The following CCSER1 variants were observed in gnomAD, a reference collection of about 807,000 sequenced individuals.
CCSER1 encodes serine-rich coiled-coil domain-containing protein 1.
A neutral mutation model predicts 82.0 loss-of-function variants in CCSER1; 41 were observed. The observed-to-expected ratio is 0.50, with a 90% CI of 0.39 to 0.65. The LOEUF (loss-of-function observed/expected upper bound fraction) is 0.65, where lower values mean the gene tolerates loss of function less well. CCSER1 is among the 30% of genes least tolerant of loss of function. The pLI, the probability that CCSER1 is intolerant of heterozygous loss-of-function variation, is 0.00. For synonymous variants in CCSER1, 414 were observed against 383.9 expected (o/e 1.08, Z -0.92); for missense variants, 1,119 against 1,064.2 (o/e 1.05, Z -0.72).
chr4:90,659,269 T>C (rs1730311684), intron 6 of CCSER1, among the ~76,000 whole-genome samples: 1 of 152,174 alleles, frequency 6.6e-6, no homozygotes, highest in Admixed American at 6.5e-5. Flanking sequence ...AATTAACAAG[T>C]TGCTTTCATG....
At chr4:90,252,607 C>T (rs1256237264) in intron 1 of CCSER1, among the ~76,000 whole-genome samples, 1 of 151,676 alleles carries the variant, frequency 6.6e-6, no homozygotes, top group African/African-American at 2.4e-5. Flanking sequence ...TCCTCTCAAG[C>T]ATTTATCCTT....
chr4:91,188,867 ATAGT>A (rs1336751730), intron 10 of CCSER1, among the ~76,000 whole-genome samples: 2 of 152,248 alleles, frequency 1.3e-5, no homozygotes, highest in Non-Finnish European at 1.5e-5. Flanking sequence ...TAAGATTGTG[ATAGT>A]TAGTGCTAGC....
At chr4:90,345,687 C>A (rs1253017782) in intron 3 of CCSER1, among the ~76,000 whole-genome samples, 1 of 152,036 alleles carries the variant, frequency 6.6e-6, no homozygotes, top group Non-Finnish European at 1.5e-5. Flanking sequence ...CTGAGCACAA[C>A]CATGAACAAC....
intron 6 of CCSER1, among the ~76,000 whole-genome samples, chr4:90,664,748 A>G (rs1292398926): frequency 2.0e-5 from 3 of 152,052 alleles, no homozygotes; most frequent in Non-Finnish European, 4.4e-5. Context: ...TAAAAACACA[A>G]AATTAGCCTG....
chr4:91,328,946 C>T (rs1019329143), intron 10 of CCSER1, among the ~76,000 whole-genome samples: 1 of 152,060 alleles, frequency 6.6e-6, no homozygotes, highest in Admixed American at 6.6e-5. Context: ...AGTTCCCCTG[C>T]AAAAGCTCTC....
At chr4:90,854,123 A>T (rs1764188914) in intron 8 of CCSER1, among the ~76,000 whole-genome samples, 1 of 152,204 alleles carries the variant, frequency 6.6e-6, no homozygotes, top group Admixed American at 6.5e-5. Context: ...AGCTAGAGAT[A>T]CAAAAATGAA....
chr4:90,900,094 GTT>G lies in CCSER1; in HGVS notation c.2095-23260_2095-23259del, dbSNP rs70963096. ...TGCTGTGAAACCCTCTGGTCCCAGA[GTT>G]TTTTTTTTTTTTTTTGTAGATATTT... On this transcript the variant is annotated intron_variant, in intron 8 of 10. Transcript: ENST00000509176. Among the ~76,000 whole-genome samples, 194 of 102,152 alleles carry G rather than the reference GTT, an allele frequency of 1.9e-3. 4 individuals are homozygous for G. Among genetic ancestry groups the G allele is most frequent in the African/African-American group, 6.2e-3 (185 of 29,814 alleles). 67.0% of individuals were successfully genotyped at this position (102,152 alleles called of 152,430 possible).
intron 3 of CCSER1, among the ~76,000 whole-genome samples, chr4:90,334,851 T>G (rs960937319): frequency 6.6e-6 from 1 of 152,174 alleles, no homozygotes; most frequent in Non-Finnish European, 1.5e-5. Context: ...TACCACAATT[T>G]ATTAGTGACT....
chr4:91,367,157 A>G (rs1294765898), intron 10 of CCSER1, among the ~76,000 whole-genome samples: 2 of 149,704 alleles, frequency 1.3e-5, no homozygotes, highest in African/African-American at 4.9e-5. Context: ...AAAAGAGAAA[A>G]AAATGCAAAG....
intron 10 of CCSER1, among the ~76,000 whole-genome samples, chr4:91,416,574 G>A (rs1000314199): frequency 7.2e-5 from 11 of 152,024 alleles, no homozygotes; most frequent in Non-Finnish European, 1.5e-4. Flanking sequence ...TCTTATCTTC[G>A]ACAAACCTGA....
intron 10 of CCSER1, among the ~76,000 whole-genome samples, chr4:91,264,891 A>G (rs549975946): frequency 6.6e-6 from 1 of 152,170 alleles, no homozygotes; most frequent in African/African-American, 2.4e-5. Flanking sequence ...AAATATTATG[A>G]AGATATTAAA....
chr4:91,033,814 T>C (rs1741196610), intron 9 of CCSER1, among the ~76,000 whole-genome samples: 1 of 152,168 alleles, frequency 6.6e-6, no homozygotes, highest in Non-Finnish European at 1.5e-5. Flanking sequence ...GGAGAAGTAC[T>C]TGTAACTCAA....
chr4:90,313,228 G>A (rs1735618173), intron 3 of CCSER1, 181 bp downstream of exon 3: 2 of 587,260 alleles, frequency 3.4e-6, no homozygotes, highest in Non-Finnish European at 6.0e-6. Flanking sequence ...TCAGGATGGA[G>A]TTCACCATGA....
intron 10 of CCSER1, chr4:91,325,296 T>C (rs1746480066): frequency 2.6e-6 from 1 of 384,508 alleles, no homozygotes; most frequent in African/African-American, 2.1e-5. Flanking sequence ...AAGGCTTTTT[T>C]CCCAAAGAAG....
chr4:90,415,051 TG>T (rs1336487469), intron 4 of CCSER1, among the ~76,000 whole-genome samples: 2 of 152,200 alleles, frequency 1.3e-5, no homozygotes, highest in Non-Finnish European at 2.9e-5. Context: ...AGTTTACTAG[TG>T]TTATGACGGT....
rs1260450913 is a variant in CCSER1 at position 91,601,696 on chromosome 4, G to A, written c.*2639G>A. The stretch of plus-strand genomic sequence containing the variant: ...GGAAAAAGTGCTTGTTTTTCTGATG[G>A]AAGCAGTGGTCTTTTCTTTTCTTTC... On this transcript the variant is annotated 3_prime_UTR_variant, in exon 11 of 11. Transcript: ENST00000509176. The A allele has an allele frequency of 6.6e-6, 1 of 152,022 alleles. No homozygotes were observed. The highest frequency in any genetic ancestry group is 1.5e-5 in the Non-Finnish European group (1 of 67,946). The allele number at this position is 152,022 out of a possible 1,614,324, so 9.4% of individuals were successfully genotyped here. A position where few individuals can be genotyped will look rare whatever the true frequency, so the allele number is the denominator to read the frequency against.
intron 10 of CCSER1, among the ~76,000 whole-genome samples, chr4:91,471,575 G>C (rs1757278271): frequency 6.6e-6 from 1 of 152,148 alleles, no homozygotes; most frequent in Admixed American, 6.5e-5. Context: ...GCTGCATGTA[G>C]TAAACAGCTC....
At chr4:90,541,820 T>A (rs547452829) in intron 5 of CCSER1, among the ~76,000 whole-genome samples, 3 of 152,194 alleles carry the variant, frequency 2.0e-5, no homozygotes, top group African/African-American at 7.2e-5. Context: ...TGGATACAAA[T>A]AAATGTTTTT....
At chr4:91,567,237 T>C (rs1762933686) in intron 10 of CCSER1, among the ~76,000 whole-genome samples, 1 of 152,156 alleles carries the variant, frequency 6.6e-6, no homozygotes, top group Admixed American at 6.6e-5. Context: ...TGCACTATGA[T>C]CTGAGAGTAT....
Sources: gnomAD v4.1 joint callset for allele counts (sites outside exome capture counted in the v4.1 genomes callset) on GRCh38, gnomAD v4.1.1 for gene constraint, MANE v1.5 for transcripts, NCBI Gene and HGNC (gene_info 2026-07-23, HGNC 2026-07-21) for gene names.